The following ZFHX3 variants were observed in gnomAD, a reference collection of about 807,000 sequenced individuals.
ZFHX3 encodes zinc finger homeobox 3.
A neutral mutation model predicts 279.1 loss-of-function variants in ZFHX3; 42 were observed. That is an observed-to-expected ratio of 0.15 (90% CI 0.12 to 0.19). ZFHX3 has a LOEUF of 0.19. ZFHX3 is among the 10% of genes least tolerant of loss of function. The probability of loss-of-function intolerance (pLI) is 1.00; values close to 1 mark genes in which losing one functional copy is unlikely to be tolerated. For synonymous variants in ZFHX3, 2,293 were observed against 1,957.8 expected (o/e 1.17, Z -4.52); for missense variants, 4,981 against 4,754.0 (o/e 1.05, Z -1.40).
intron 5 of ZFHX3, chr16:72,829,364 C>T (rs981927446): frequency 4.1e-5 from 7 of 168,854 alleles, no homozygotes; most frequent in Non-Finnish European, 9.0e-5. Flanking sequence ...TTCCACATGA[C>T]AAATCTCTCC....
At chr16:73,211,670 G>T (rs1011259187) in intron 5 of ZFHX3, among the ~76,000 whole-genome samples, 5 of 143,264 alleles carry the variant, frequency 3.5e-5, no homozygotes, top group African/African-American at 1.0e-4. Flanking sequence ...AAGAATCTAT[G>T]TTTTTTTTTT....
Position 73,552,011 on chromosome 16 carries a change from ATGAG to A in ZFHX3, c.-1546-95757_-1546-95754del, listed in dbSNP as rs939809073. 9.9e-5 allele frequency among the ~76,000 whole-genome samples: 15 copies of A among 152,136 alleles called. No homozygotes were observed. The South Asian group carries it at 1.4e-3, about 15-fold the overall frequency. On this transcript the variant is annotated intron_variant, in intron 2 of 17. Coordinates refer to the ZFHX3 transcript ENST00000641206. The stretch of plus-strand genomic sequence containing the variant: ...CTAGCATAGATGTGTCTGTGAGTGA[ATGAG>A]TGAGTGTGTGTGTGTGAGAGAGAGA...
intron 1 of ZFHX3, among the ~76,000 whole-genome samples, chr16:73,687,895 C>T (rs2053107305): frequency 6.8e-6 from 1 of 146,282 alleles, no homozygotes; most frequent in Admixed American, 6.8e-5. Context: ...TTAATATTGA[C>T]AGTCACTGTG....
At chr16:73,543,885 G>GGAGAGAGAGGGAGAGAGAGAGA (rs2020062071) in intron 2 of ZFHX3, 1 of 136,454 alleles carries the variant, frequency 7.3e-6, no homozygotes, top group African/African-American at 3.1e-5. Context: ...AGCGAGAGAG[G>GGAGAGAGAGGGAGAGAGAGAGA]GAGAGAGAGA....
intron 4 of ZFHX3, among the ~76,000 whole-genome samples, chr16:72,834,589 G>T (rs1044632680): frequency 6.6e-6 from 1 of 152,152 alleles, no homozygotes; most frequent in African/African-American, 2.4e-5. Context: ...CCCATCGGTG[G>T]TGAAATCTGC....
At chr16:73,832,526 A>G (rs142357667) in intron 1 of ZFHX3, among the ~76,000 whole-genome samples, 1 of 152,228 alleles carries the variant, frequency 6.6e-6, no homozygotes, top group African/African-American at 2.4e-5. Flanking sequence ...TAAGCAAGAT[A>G]GGCCCTTTTT....
intron 5 of ZFHX3, among the ~76,000 whole-genome samples, chr16:73,236,879 C>A (rs912646899): frequency 6.6e-6 from 1 of 152,104 alleles, no homozygotes; most frequent in African/African-American, 2.4e-5. Flanking sequence ...TTGGAAGAAG[C>A]CACGCGGTAC....
At chr16:73,484,715 CTA>C (rs1196697029) in intron 2 of ZFHX3, among the ~76,000 whole-genome samples, 1 of 152,194 alleles carries the variant, frequency 6.6e-6, no homozygotes, top group Non-Finnish European at 1.5e-5. Flanking sequence ...TTCCATTTTC[CTA>C]TGTTTTAGCA....
At chr16:73,007,672 C>G (rs1963760134) in intron 1 of ZFHX3, among the ~76,000 whole-genome samples, 1 of 152,076 alleles carries the variant, frequency 6.6e-6, no homozygotes, top group Non-Finnish European at 1.5e-5. Flanking sequence ...GGTCTCAACT[C>G]CTGACCTCGT....
At chr16:72,907,627 C>T (rs924594667) in intron 3 of ZFHX3, among the ~76,000 whole-genome samples, 5 of 147,274 alleles carry the variant, frequency 3.4e-5, no homozygotes, top group African/African-American at 7.6e-5. Flanking sequence ...CACACAGGTG[C>T]AGGCTCAGGC....
At chr16:73,657,790 C>G (rs1405172572) in intron 2 of ZFHX3, among the ~76,000 whole-genome samples, 3 of 152,188 alleles carry the variant, frequency 2.0e-5, no homozygotes, top group African/African-American at 7.2e-5. Flanking sequence ...TCATTTCTTT[C>G]TATGGCTGAA....
intron 5 of ZFHX3, among the ~76,000 whole-genome samples, chr16:73,178,729 C>A (rs1212496938): frequency 6.6e-6 from 1 of 152,144 alleles, no homozygotes; most frequent in Non-Finnish European, 1.5e-5. Context: ...CTGAAGCGAT[C>A]CTCTCACCTT....
chr16:73,032,686 G>GA (rs35908833), intron 1 of ZFHX3, among the ~76,000 whole-genome samples: 35,449 of 146,310 alleles, frequency 0.24, 4,414 homozygotes, highest in East Asian at 0.4. Context: ...AAAAGAACAG[G>GA]AAAAAAAAAA....
chr16:73,480,352 T>C (rs1567496761), intron 2 of ZFHX3, among the ~76,000 whole-genome samples: 1 of 152,200 alleles, frequency 6.6e-6, no homozygotes, highest in Non-Finnish European at 1.5e-5. Flanking sequence ...TGGATGGGTT[T>C]TGCTTTATTT....
At chr16:72,828,176 G>A (rs918394901) in intron 5 of ZFHX3, among the ~76,000 whole-genome samples, 3 of 152,068 alleles carry the variant, frequency 2.0e-5, no homozygotes, top group African/African-American at 4.8e-5. Context: ...AAGTAACAAA[G>A]GCCCAACGAA....
chr16:73,180,304 T>C (rs933787093), intron 5 of ZFHX3, among the ~76,000 whole-genome samples: 1 of 152,190 alleles, frequency 6.6e-6, no homozygotes, highest in Non-Finnish European at 1.5e-5. Context: ...TCATACCCAT[T>C]CACAAGGAAT....
intron 7 of ZFHX3, chr16:73,127,510 A>T (rs1966590620): frequency 1.5e-6 from 2 of 1,305,226 alleles, no homozygotes; most frequent in East Asian, 1.1e-4. Context: ...TGGATGGGGG[A>T]AGAAGAGAGC....
intron 3 of ZFHX3, among the ~76,000 whole-genome samples, chr16:72,944,146 G>A (rs1466258513): frequency 1.3e-5 from 2 of 152,136 alleles, no homozygotes; most frequent in East Asian, 1.9e-4. Flanking sequence ...TTAGCTGGGT[G>A]TGGTGGTGTG....
At chr16:73,520,330 C>A (rs559608139) in intron 2 of ZFHX3, among the ~76,000 whole-genome samples, 119 of 152,204 alleles carry the variant, frequency 7.8e-4, no homozygotes, top group African/African-American at 2.7e-3. Context: ...TTATATAATC[C>A]TTTGTCTTCA....
Sources: gnomAD v4.1 joint callset for allele counts (sites outside exome capture counted in the v4.1 genomes callset) on GRCh38, gnomAD v4.1.1 for gene constraint, MANE v1.5 for transcripts, NCBI Gene and HGNC (gene_info 2026-07-23, HGNC 2026-07-21) for gene names.